NLGN1: variants seen among roughly 807,000 people sequenced by gnomAD.
NLGN1 encodes neuroligin-1.
A neutral mutation model predicts 65.5 loss-of-function variants in NLGN1; 12 were observed. That is an observed-to-expected ratio of 0.18 (90% CI 0.12 to 0.30). The LOEUF (loss-of-function observed/expected upper bound fraction) is 0.30. NLGN1 is among the 10% of genes least tolerant of loss of function. The pLI, the probability that NLGN1 is intolerant of heterozygous loss-of-function variation, is 1.00. For missense variants in NLGN1, 750 were observed against 1,007.1 expected (o/e 0.74, Z 3.46); for synonymous variants, 350 against 359.5 (o/e 0.97, Z 0.30).
In NLGN1 at chr3:173,460,572, T is replaced by A. The variant is rs184835815; in HGVS notation, c.-321+25494T>A. On this transcript the variant is annotated intron_variant, in intron 2 of 6. Coordinates refer to ENST00000457714, the Ensembl canonical transcript of NLGN1. ...GGTTTTTGTTTGTGTTTTTGTTTTT[T>A]ATCATTTCTGGGAACATGTATAAGT... is the stretch of plus-strand genomic sequence containing the variant. Among the ~76,000 whole-genome samples, 6 of 152,280 alleles carry A rather than the reference T, an allele frequency of 3.9e-5. No individual in the cohort carries two copies. In the South Asian group the frequency reaches 6.2e-4, roughly 16 times the overall value.
intron 3 of NLGN1, among the ~76,000 whole-genome samples, chr3:173,715,102 G>T (rs1769624233): frequency 6.6e-6 from 1 of 152,130 alleles, no homozygotes; most frequent in African/African-American, 2.4e-5. Context: ...GGGGGAGAGA[G>T]AGAAGTGGAT....
intron 4 of NLGN1, among the ~76,000 whole-genome samples, chr3:173,954,520 T>C (rs929274598): frequency 6.6e-6 from 1 of 152,160 alleles, no homozygotes; most frequent in African/African-American, 2.4e-5. Context: ...TAGGTTGAAG[T>C]GGAATCAGCA....
At chr3:174,131,615 A>G in intron 4 of NLGN1, among the ~76,000 whole-genome samples, 1 of 152,204 alleles carries the variant, frequency 6.6e-6, no homozygotes, top group Non-Finnish European at 1.5e-5. Context: ...ACTTTAATAT[A>G]AACAGTGTAG....
At chr3:173,484,531 A>T (rs764220594) in intron 2 of NLGN1, among the ~76,000 whole-genome samples, 6 of 151,738 alleles carry the variant, frequency 4.0e-5, no homozygotes, top group Non-Finnish European at 8.8e-5. Flanking sequence ...GTGTAGATGC[A>T]ATGCATATTT....
intron 3 of NLGN1, among the ~76,000 whole-genome samples, chr3:173,640,810 A>G (rs1184055643): frequency 6.6e-6 from 1 of 152,094 alleles, no homozygotes; most frequent in Non-Finnish European, 1.5e-5. Flanking sequence ...CACATTCTGT[A>G]TTTGTTTCAT....
intron 4 of NLGN1, among the ~76,000 whole-genome samples, chr3:174,121,416 T>G (rs1269450027): frequency 2.0e-5 from 3 of 152,198 alleles, no homozygotes; most frequent in Non-Finnish European, 4.4e-5. Context: ...TGTGTAAAAA[T>G]GCTGTGTGTA....
chr3:174,152,392 A>G (rs1046586244), intron 4 of NLGN1, among the ~76,000 whole-genome samples: 13 of 152,230 alleles, frequency 8.5e-5, no homozygotes, highest in African/African-American at 3.1e-4. Context: ...AAAGATTTAA[A>G]AATACAAAAA....
intron 4 of NLGN1, among the ~76,000 whole-genome samples, chr3:174,063,855 A>T: frequency 6.6e-6 from 1 of 152,148 alleles, no homozygotes; most frequent in Non-Finnish European, 1.5e-5. Flanking sequence ...GGTTAGAAGT[A>T]AAAGGAAAAG....
chr3:173,930,570 C>T (rs1743908728), intron 4 of NLGN1, among the ~76,000 whole-genome samples: 2 of 152,032 alleles, frequency 1.3e-5, no homozygotes, highest in African/African-American at 2.4e-5. Context: ...TTCACCCTAG[C>T]TAAGAAACCA....
chr3:173,954,750 T>G (rs960946679), intron 4 of NLGN1, among the ~76,000 whole-genome samples: 3 of 152,054 alleles, frequency 2.0e-5, no homozygotes, highest in Non-Finnish European at 2.9e-5. Context: ...CTTTCCAAAC[T>G]CTCCTTTTTA....
intron 4 of NLGN1, among the ~76,000 whole-genome samples, chr3:174,135,811 C>A (rs1721104211): frequency 6.6e-6 from 1 of 151,976 alleles, no homozygotes; most frequent in Non-Finnish European, 1.5e-5. Context: ...CTAAGTAATT[C>A]CTTATTATTT....
intron 2 of NLGN1, among the ~76,000 whole-genome samples, chr3:173,501,712 TC>T (rs1731154395): frequency 6.6e-6 from 1 of 151,114 alleles, no homozygotes; most frequent in Non-Finnish European, 1.5e-5. Flanking sequence ...GTATAGAATT[TC>T]TATACATAAA....
chr3:173,773,477 T>C (rs1779872527), intron 3 of NLGN1, among the ~76,000 whole-genome samples: 1 of 152,222 alleles, frequency 6.6e-6, no homozygotes, highest in Non-Finnish European at 1.5e-5. Context: ...ACACAAAATG[T>C]TGTTATTCAT....
At chr3:173,710,885 C>T (rs1290167997) in intron 3 of NLGN1, among the ~76,000 whole-genome samples, 2 of 152,186 alleles carry the variant, frequency 1.3e-5, no homozygotes, top group Non-Finnish European at 2.9e-5. Context: ...TCTGTGGTGA[C>T]CTGGGAGTGC....
At chr3:174,067,775 A>G (rs969443229) in intron 4 of NLGN1, among the ~76,000 whole-genome samples, 5 of 152,184 alleles carry the variant, frequency 3.3e-5, no homozygotes, top group Non-Finnish European at 7.3e-5. Context: ...GAATGATCAG[A>G]TTCAACTATT....
At chr3:173,767,956 C>T (rs1779014768) in intron 3 of NLGN1, among the ~76,000 whole-genome samples, 3 of 151,868 alleles carry the variant, frequency 2.0e-5, no homozygotes, top group Admixed American at 2.0e-4. Context: ...TAACAATTTC[C>T]TTTGAACATA....
intron 1 of NLGN1, among the ~76,000 whole-genome samples, chr3:173,418,936 C>T (rs574242629): frequency 6.7e-6 from 1 of 150,268 alleles, no homozygotes; most frequent in South Asian, 2.1e-4. Context: ...GAATGTGGCC[C>T]ATCACAAATT....
chr3:173,842,925 C>T (rs1268817593), intron 4 of NLGN1, among the ~76,000 whole-genome samples: 1 of 152,208 alleles, frequency 6.6e-6, no homozygotes, highest in Non-Finnish European at 1.5e-5. Flanking sequence ...TTCCCTTCCA[C>T]ACTGCCCTAG....
At position 173,501,356 on chromosome 3, in the gene NLGN1, T is replaced by G. The variant is rs1731094440; in HGVS notation, c.-321+66278T>G. On this transcript the variant is annotated intron_variant, in intron 2 of 6. Transcript: ENST00000457714. ...CACTTACAAGTGTATCTCAGAGTTTTAAACAGGTAATTGGATGACCTCTGA... is the reference window on the plus strand; with the variant it reads ...CACTTACAAGTGTATCTCAGAGTTTGAAACAGGTAATTGGATGACCTCTGA... Among the ~76,000 whole-genome samples the G allele has an allele frequency of 2.0e-5, 3 of 152,116 alleles. No individual in the cohort carries two copies. The South Asian group carries it at 6.2e-4, about 31-fold the overall frequency.
Sources: allele counts gnomAD v4.1 joint callset (sites outside exome capture counted in the v4.1 genomes callset), GRCh38; gene constraint gnomAD v4.1.1; transcripts MANE v1.5; gene names NCBI Gene and HGNC (gene_info 2026-07-23, HGNC 2026-07-21).